KLRD1: variants seen among roughly 807,000 people sequenced by gnomAD.
KLRD1 encodes killer cell lectin like receptor D1.
KLRD1 carries 21 observed loss-of-function variants against 22.6 expected under a neutral mutation model. That is an observed-to-expected ratio of 0.93 (90% CI 0.66 to 1.34). The LOEUF (loss-of-function observed/expected upper bound fraction) is 1.34. Ranked by LOEUF, KLRD1 falls within the 40% of genes most tolerant of loss-of-function variation. KLRD1 has a pLI of 0.00. For synonymous variants in KLRD1, 59 were observed against 71.1 expected (o/e 0.83, Z 0.85); for missense variants, 183 against 208.6 (o/e 0.88, Z 0.76).
chr12:10,310,352 T>C (rs1221712536), intron 3 of KLRD1, among the ~76,000 whole-genome samples: 2 of 152,202 alleles, frequency 1.3e-5, no homozygotes, highest in Non-Finnish European at 2.9e-5. Flanking sequence ...ACTCCTGACC[T>C]CAGGTCATCC....
intron 1 of KLRD1, among the ~76,000 whole-genome samples, chr12:10,248,213 C>A (rs1442386727): frequency 6.6e-6 from 1 of 151,758 alleles, no homozygotes; most frequent in African/African-American, 2.4e-5. Context: ...TGTTTTTTTC[C>A]CCACAATTTT....
At position 10,325,578 on chromosome 12, in the gene KLRD1, T is replaced by C. The variant is rs1323960219; in HGVS notation, c.*10785T>C. 1 of 152,238 alleles carries C rather than the reference T, an allele frequency of 6.6e-6. No individual in the cohort carries two copies. Among genetic ancestry groups the C allele is most frequent in the Non-Finnish European group, 1.5e-5 (1 of 68,036 alleles). The allele number at this position is 152,238 out of a possible 1,614,324, so 9.4% of individuals were successfully genotyped here. ...CATTCTATTCTCTGATTTTATAAGC[T>C]TGACCACTTTAGATATTTCACGTAA... is the stretch of plus-strand genomic sequence containing the variant. On this transcript the variant is annotated 3_prime_UTR_variant, in exon 6 of 6. Coordinates refer to ENST00000336164, the MANE Select transcript of KLRD1 (RefSeq NM_002262.5).
intron 5 of KLRD1, among the ~76,000 whole-genome samples, 178 bp from the exon 6 acceptor site, chr12:10,314,495 G>A (rs1421398189): frequency 6.6e-6 from 1 of 152,050 alleles, no homozygotes; most frequent in Non-Finnish European, 1.5e-5. Context: ...GAAAATAACT[G>A]GGTATTTTGT....
intron 1 of KLRD1, among the ~76,000 whole-genome samples, chr12:10,281,009 A>G (rs150504012): frequency 6.6e-6 from 1 of 152,334 alleles, no homozygotes; most frequent in East Asian, 1.9e-4. Flanking sequence ...GGTCATAATC[A>G]TTGGAAGCTG....
intron 1 of KLRD1, among the ~76,000 whole-genome samples, chr12:10,276,903 AT>A (rs1490115384): frequency 6.6e-6 from 1 of 152,142 alleles, no homozygotes; most frequent in Admixed American, 6.5e-5. Context: ...ATGAAATTTA[AT>A]TTAGCTGCAT....
upstream of KLRD1, among the ~76,000 whole-genome samples, chr12:10,306,969 C>T (rs1949940289): frequency 6.6e-6 from 1 of 151,910 alleles, no homozygotes. Context: ...ATACACAAAA[C>T]GTTTATTTGA....
rs533389356 is a variant in KLRD1, at chr12:10,295,935, T to C, written c.-100-12043T>C. The stretch of plus-strand genomic sequence containing the variant: ...GTTTCAATGCAGAGTGAGATTTTAG[T>C]CTTATCAATTGTTTTAGTCAATGAC... On this transcript the variant is annotated intron_variant, in intron 1 of 5. Coordinates refer to the KLRD1 transcript ENST00000544747. Among the ~76,000 whole-genome samples the C allele has an allele frequency of 8.7e-4, 132 of 152,152 alleles. 1 individual carries two copies. Among genetic ancestry groups the C allele is most frequent in the Non-Finnish European group, 8.1e-4 (55 of 68,018 alleles).
chr12:10,287,134 TCAAAA>T (rs1229251082), intron 1 of KLRD1, among the ~76,000 whole-genome samples: 1 of 150,714 alleles, frequency 6.6e-6, no homozygotes, highest in Non-Finnish European at 1.5e-5. Context: ...AGACTCTGTC[TCAAAA>T]CAAAAACAAA....
intron 1 of KLRD1, among the ~76,000 whole-genome samples, chr12:10,269,857 T>C (rs1361571222): frequency 1.1e-4 from 17 of 152,152 alleles, no homozygotes; most frequent in Non-Finnish European, 2.9e-5. Context: ...ATATGTTTCA[T>C]AATATTAAGT....
chr12:10,254,137 A>G (rs1949369985), intron 1 of KLRD1, among the ~76,000 whole-genome samples: 1 of 152,154 alleles, frequency 6.6e-6, no homozygotes. Flanking sequence ...AAAAGAAACT[A>G]TCCACAGAGG....
chr12:10,242,862 C>T (rs1211243414), intron 1 of KLRD1, among the ~76,000 whole-genome samples: 2 of 152,142 alleles, frequency 1.3e-5, no homozygotes, highest in Admixed American at 1.3e-4. Flanking sequence ...TTATTTACAA[C>T]AGCCAATATA....
At chr12:10,313,311 A>AG (rs1950141336) in intron 4 of KLRD1, 99 bp from the exon 5 acceptor site, 2 of 587,166 alleles carry the variant, frequency 3.4e-6, no homozygotes, top group East Asian at 5.9e-5. Flanking sequence ...TGTGATGGAC[A>AG]GGCTGAATCT....
At chr12:10,312,030 C>A (rs892763643) in intron 4 of KLRD1, among the ~76,000 whole-genome samples, 3 of 149,762 alleles carry the variant, frequency 2.0e-5, no homozygotes, top group South Asian at 2.1e-4. Context: ...GGTAAGAAAA[C>A]GTACCCAATT....
intron 1 of KLRD1, among the ~76,000 whole-genome samples, chr12:10,285,818 AC>A (rs2137659882): frequency 6.6e-6 from 1 of 152,256 alleles, no homozygotes; most frequent in East Asian, 1.9e-4. Context: ...AAATATTGTC[AC>A]AGCTCTAAGT....
At chr12:10,288,465 G>A in intron 1 of KLRD1, among the ~76,000 whole-genome samples, 1 of 152,132 alleles carries the variant, frequency 6.6e-6, no homozygotes, top group Non-Finnish European at 1.5e-5. Context: ...TATGCAAAAT[G>A]ACTCTCTAGA....
intron 1 of KLRD1, among the ~76,000 whole-genome samples, chr12:10,241,242 C>T (rs972388152): frequency 2.5e-4 from 38 of 152,224 alleles, no homozygotes; most frequent in African/African-American, 8.7e-4. Context: ...AGCGACTTCA[C>T]CTCATCAATT....
chr12:10,266,367 G>C (rs528922808), intron 1 of KLRD1, among the ~76,000 whole-genome samples: 30 of 152,150 alleles, frequency 2.0e-4, no homozygotes, highest in African/African-American at 7.2e-4. Flanking sequence ...AATGGGCAAA[G>C]GATGTATTTT....
chr12:10,257,350 A>T (rs1220454054), intron 1 of KLRD1, among the ~76,000 whole-genome samples: 1 of 150,642 alleles, frequency 6.6e-6, no homozygotes, highest in Admixed American at 6.6e-5. Context: ...GACACTTATA[A>T]TGGGTATATT....
At chr12:10,295,060 G>C (rs984164552) in intron 1 of KLRD1, among the ~76,000 whole-genome samples, 1 of 152,162 alleles carries the variant, frequency 6.6e-6, no homozygotes, top group Non-Finnish European at 1.5e-5. Flanking sequence ...AGTTACAAGA[G>C]TGCTGCCTCT....
Sources: gnomAD v4.1 joint callset for allele counts (sites outside exome capture counted in the v4.1 genomes callset) on GRCh38, gnomAD v4.1.1 for gene constraint, MANE v1.5 for transcripts, NCBI Gene and HGNC (gene_info 2026-07-23, HGNC 2026-07-21) for gene names.